The following GALNT13 variants were observed in gnomAD, a reference collection of about 807,000 sequenced individuals.
GALNT13 encodes the protein UDP-GalNAc:polypeptide N-acetylgalactosaminyltransferase 13.
In GALNT13, 28 loss-of-function variants were observed where a neutral mutation model predicts 64.2. The ratio of observed to expected loss-of-function variants is 0.44; its 90% CI spans 0.32 to 0.60. The LOEUF (loss-of-function observed/expected upper bound fraction) is 0.60, where lower values mean the gene tolerates loss of function less well. Among genes scored for constraint, GALNT13 ranks in the 20% least tolerant of loss-of-function variants. The probability of loss-of-function intolerance (pLI) is 0.05; values close to 1 mark genes in which losing one functional copy is unlikely to be tolerated. For synonymous variants in GALNT13, 214 were observed against 224.6 expected (o/e 0.95, Z 0.42); for missense variants, 577 against 669.8 (o/e 0.86, Z 1.53).
the GALNT13 span, among the ~76,000 whole-genome samples, chr2:153,525,254 G>A: frequency 6.6e-6 from 1 of 152,130 alleles, no homozygotes; most frequent in Non-Finnish European, 1.5e-5. Context: ...CAATACTAAG[G>A]TACTACATTG....
At chr2:153,245,170 C>T in the GALNT13 span, among the ~76,000 whole-genome samples, 1 of 152,252 alleles carries the variant, frequency 6.6e-6, no homozygotes, top group African/African-American at 2.4e-5. Context: ...GAACCTGGGA[C>T]AGAAAGGGAC....
the GALNT13 span, among the ~76,000 whole-genome samples, chr2:153,405,015 A>G: frequency 6.6e-6 from 1 of 152,312 alleles, no homozygotes; most frequent in Admixed American, 6.5e-5. Context: ...TTGGGTGCTT[A>G]CATACTACTG....
At chr2:153,171,359 T>G in the GALNT13 span, among the ~76,000 whole-genome samples, 36 of 152,284 alleles carry the variant, frequency 2.4e-4, no homozygotes, top group East Asian at 6.2e-3. Context: ...TTAAAAAGCA[T>G]GTGACATAAA....
the GALNT13 span, among the ~76,000 whole-genome samples, chr2:153,546,523 C>G: frequency 4.6e-5 from 7 of 152,046 alleles, no homozygotes; most frequent in East Asian, 1.9e-4. Flanking sequence ...GAACATCTAC[C>G]CTTTGTGTGT....
intron 9 of GALNT13, among the ~76,000 whole-genome samples, chr2:154,344,800 A>G (rs1216438235): frequency 6.6e-6 from 1 of 151,992 alleles, no homozygotes; most frequent in Non-Finnish European, 1.5e-5. Flanking sequence ...GTGCGAATAG[A>G]ATTTGAGAAA....
intron 9 of GALNT13, among the ~76,000 whole-genome samples, chr2:154,303,071 G>A (rs566191162): frequency 7.9e-5 from 12 of 152,100 alleles, no homozygotes; most frequent in Non-Finnish European, 1.3e-4. Flanking sequence ...GCAATGAAGC[G>A]GCTACGTTGT....
chr2:153,465,606 A>G, the GALNT13 span, among the ~76,000 whole-genome samples: 1 of 151,786 alleles, frequency 6.6e-6, no homozygotes, highest in South Asian at 2.1e-4. Context: ...TTGGATAAAT[A>G]GGTGCCTCTG....
At chr2:153,767,998 T>C in the GALNT13 span, among the ~76,000 whole-genome samples, 5 of 152,178 alleles carry the variant, frequency 3.3e-5, 1 homozygote, top group Admixed American at 3.3e-4. Context: ...CATTTGCTTG[T>C]AGGGTGTCAT....
chr2:153,551,834 T>C, the GALNT13 span, among the ~76,000 whole-genome samples: 1 of 152,278 alleles, frequency 6.6e-6, no homozygotes, highest in South Asian at 2.1e-4. Context: ...AGGCTACAGA[T>C]GTAAGTTTTA....
At chr2:153,408,422 A>G in the GALNT13 span, among the ~76,000 whole-genome samples, 3 of 152,206 alleles carry the variant, frequency 2.0e-5, no homozygotes, top group African/African-American at 7.2e-5. Flanking sequence ...ACGAAGAAGT[A>G]TAGAAGGAAG....
At chr2:154,270,477 T>A (rs962163423) in intron 8 of GALNT13, among the ~76,000 whole-genome samples, 13 of 151,936 alleles carry the variant, frequency 8.6e-5, no homozygotes, top group Non-Finnish European at 1.8e-4. Flanking sequence ...CACTTATTTA[T>A]ACCTTTTCTA....
At chr2:154,208,617 T>C (rs1437209999) in intron 4 of GALNT13, among the ~76,000 whole-genome samples, 1 of 127,570 alleles carries the variant, frequency 7.8e-6, no homozygotes, top group African/African-American at 3.1e-5. Context: ...AATCACGTTT[T>C]GCGTGTCTGT....
intron 3 of GALNT13, among the ~76,000 whole-genome samples, chr2:154,053,797 C>G (rs1429487997): frequency 2.0e-5 from 3 of 152,162 alleles, no homozygotes; most frequent in African/African-American, 7.2e-5. Context: ...AAGGCCAGGA[C>G]TGAGCATCTT....
At chr2:153,977,927 A>G (rs764597847) in intron 3 of GALNT13, among the ~76,000 whole-genome samples, 1 of 152,146 alleles carries the variant, frequency 6.6e-6, no homozygotes, top group Non-Finnish European at 1.5e-5. Context: ...CGATCTTTCA[A>G]TCCTGGGAAT....
At chr2:153,519,133 C>A in the GALNT13 span, among the ~76,000 whole-genome samples, 1 of 152,252 alleles carries the variant, frequency 6.6e-6, no homozygotes, top group East Asian at 1.9e-4. Flanking sequence ...CTTAACTTTA[C>A]TACAAATTGC....
At chr2:153,951,709 A>G (rs886288091) in intron 3 of GALNT13, among the ~76,000 whole-genome samples, 3 of 152,164 alleles carry the variant, frequency 2.0e-5, no homozygotes, top group Non-Finnish European at 4.4e-5. Context: ...GGGCTCTGAA[A>G]GGAACTGTTC....
At chr2:154,151,565 A>G (rs1012970950) in intron 4 of GALNT13, among the ~76,000 whole-genome samples, 1 of 152,154 alleles carries the variant, frequency 6.6e-6, no homozygotes, top group African/African-American at 2.4e-5. Context: ...GTGGGAGTCT[A>G]AGTCTCTTCG....
At chr2:154,070,268 T>C (rs1380387302) in intron 3 of GALNT13, among the ~76,000 whole-genome samples, 1 of 152,118 alleles carries the variant, frequency 6.6e-6, no homozygotes, top group Non-Finnish European at 1.5e-5. Flanking sequence ...TCCATGTTGC[T>C]TCCTTATTAC....
upstream of GALNT13, among the ~76,000 whole-genome samples, chr2:153,870,830 A>G (rs983706847): frequency 1.3e-5 from 2 of 151,652 alleles, no homozygotes; most frequent in Non-Finnish European, 2.9e-5. Context: ...TCTGCCAAAA[A>G]CATCCTATAA....
Sources: allele counts gnomAD v4.1 joint callset (sites outside exome capture counted in the v4.1 genomes callset), GRCh38; gene constraint gnomAD v4.1.1; transcripts MANE v1.5; gene names NCBI Gene and HGNC (gene_info 2026-07-23, HGNC 2026-07-21).